Variants in APPBP2 observed in about 807,000 individuals in gnomAD.
APPBP2 encodes the protein amyloid protein-binding protein 2.
A neutral mutation model predicts 76.0 loss-of-function variants in APPBP2; 15 were observed. The observed-to-expected ratio is 0.20, with a 90% confidence interval of 0.13 to 0.30. The LOEUF (loss-of-function observed/expected upper bound fraction) is 0.30. Among genes scored for constraint, APPBP2 ranks in the 10% least tolerant of loss-of-function variants. APPBP2 has a pLI of 1.00. For missense variants in APPBP2, 401 were observed against 687.2 expected (o/e 0.58, Z 4.66); for synonymous variants, 222 against 242.2 (o/e 0.92, Z 0.77).
intron 10 of APPBP2, among the ~76,000 whole-genome samples, chr17:60,454,747 CTATTTT>C (rs1303901057): frequency 6.6e-6 from 1 of 152,108 alleles, no homozygotes; most frequent in Non-Finnish European, 1.5e-5. Flanking sequence ...GAATTAGCTT[CTATTTT>C]AATAGACTGC....
chr17:60,514,247 T>C (rs948098326), intron 1 of APPBP2, among the ~76,000 whole-genome samples: 25 of 152,090 alleles, frequency 1.6e-4, no homozygotes, highest in African/African-American at 5.6e-4. Flanking sequence ...TAAGTGGTGA[T>C]TGCACCACTG....
chr17:60,491,605 C>T (rs545499583), intron 3 of APPBP2, among the ~76,000 whole-genome samples: 59 of 151,950 alleles, frequency 3.9e-4, no homozygotes, highest in Admixed American at 3.6e-3. Context: ...CCAACAGGCC[C>T]GGCTAGTTTT....
chr17:60,510,848 T>C (rs576554779), intron 1 of APPBP2, among the ~76,000 whole-genome samples: 90 of 152,352 alleles, frequency 5.9e-4, no homozygotes, highest in Non-Finnish European at 1.0e-3. Flanking sequence ...TCATTTCAGA[T>C]AATATTCAAA....
intron 5 of APPBP2, among the ~76,000 whole-genome samples, chr17:60,465,626 C>G (rs916202419): frequency 6.6e-6 from 1 of 152,034 alleles, no homozygotes; most frequent in Non-Finnish European, 1.5e-5. Flanking sequence ...CCCAGCACTT[C>G]AGGAGGCCAA....
intron 12 of APPBP2, among the ~76,000 whole-genome samples, chr17:60,451,529 A>G (rs1186166899): frequency 6.6e-6 from 1 of 152,090 alleles, no homozygotes; most frequent in Non-Finnish European, 1.5e-5. Flanking sequence ...GCTGGAGAGC[A>G]GTGGCACAAT....
chr17:60,447,855 G>GA (rs572924329), intron 12 of APPBP2, 21 bp from the exon 13 acceptor site: 58,344 of 1,035,918 alleles, frequency 0.056, 25 homozygotes, highest in Non-Finnish European at 0.062. Flanking sequence ...AAAGAAAAAG[G>GA]AAAAAAAAAA....
intron 10 of APPBP2, among the ~76,000 whole-genome samples, chr17:60,455,617 C>A (rs906594594): frequency 6.6e-6 from 1 of 152,206 alleles, no homozygotes; most frequent in African/African-American, 2.4e-5. Context: ...ATACGAAGCT[C>A]AGGATAAGAA....
At chr17:60,520,671 G>C (rs970993482) in intron 1 of APPBP2, among the ~76,000 whole-genome samples, 5 of 151,488 alleles carry the variant, frequency 3.3e-5, no homozygotes, top group African/African-American at 9.7e-5. Context: ...GGCACACTTT[G>C]TATTTGGAAA....
At chr17:60,466,579 A>C in intron 4 of APPBP2, 120 bp from the exon 5 acceptor site, 1 of 1,023,158 alleles carries the variant, frequency 9.8e-7, no homozygotes, top group Non-Finnish European at 1.4e-6. Flanking sequence ...GGCAGCATTG[A>C]AAATAAGTGT....
At chr17:60,449,664 G>T (rs571992067) in intron 12 of APPBP2, among the ~76,000 whole-genome samples, 1 of 151,188 alleles carries the variant, frequency 6.6e-6, no homozygotes, top group Non-Finnish European at 1.5e-5. Context: ...TGTCCATATG[G>T]GGAAAAAAAT....
chr17:60,458,984 G>T (rs1206483679), intron 9 of APPBP2, among the ~76,000 whole-genome samples: 1 of 151,894 alleles, frequency 6.6e-6, no homozygotes, highest in East Asian at 1.9e-4. Flanking sequence ...TGTTGGCCAG[G>T]ATGGTCTCCA....
rs2090318535 is a variant in APPBP2, at chr17:60,443,470, A to G, written c.*4111T>C. The stretch of plus-strand genomic sequence containing the variant: ...AAGAACTTTTTATTTTGAGCCTATT[A>G]AACTAAAATCCCCTGTTGCTTAATA... On this transcript the variant is annotated 3_prime_UTR_variant, in exon 13 of 13. Transcript: ENST00000083182. 6.6e-6 allele frequency: 1 copy of G among 152,664 alleles called. No individual in the cohort carries two copies. 9.5% of individuals were successfully genotyped at this position (152,664 alleles called of 1,614,324 possible).
intron 3 of APPBP2, among the ~76,000 whole-genome samples, chr17:60,488,631 A>T (rs970830168): frequency 1.4e-4 from 22 of 152,130 alleles, no homozygotes; most frequent in Non-Finnish European, 1.5e-5. Flanking sequence ...GGGTAATTTT[A>T]GGATTAAGAC....
intron 1 of APPBP2, among the ~76,000 whole-genome samples, chr17:60,522,349 A>T (rs2143510475): frequency 6.6e-6 from 1 of 152,104 alleles, no homozygotes; most frequent in Middle Eastern, 3.4e-3. Context: ...TTGAGATAGG[A>T]TCTCCCTCTG....
chr17:60,481,935 T>G (rs1201001989), intron 3 of APPBP2, among the ~76,000 whole-genome samples: 1 of 152,214 alleles, frequency 6.6e-6, no homozygotes, highest in Non-Finnish European at 1.5e-5. Context: ...CAGGCTAGAG[T>G]GCAATAGCGT....
At position 60,465,861 on chromosome 17, in the gene APPBP2, G is replaced by C. The variant is rs1484587544; in HGVS notation, c.672+430C>G. The stretch of plus-strand genomic sequence containing the variant: ...CTGATTTTTTATTTTTTTGAGACAG[G>C]GTCTCACTCTGTCACTCAGGCTGGA... On this transcript the variant is annotated intron_variant, in intron 5 of 12. Transcript: ENST00000083182. 2.0e-5 allele frequency among the ~76,000 whole-genome samples: 3 copies of C among 152,060 alleles called. No individual in the cohort carries two copies. In the South Asian group the frequency reaches 6.2e-4, roughly 32 times the overall value.
At chr17:60,455,685 C>T (rs2090425897) in intron 10 of APPBP2, among the ~76,000 whole-genome samples, 1 of 152,192 alleles carries the variant, frequency 6.6e-6, no homozygotes, top group Non-Finnish European at 1.5e-5. Flanking sequence ...TGTGTAGAAA[C>T]ATTTGTATTA....
At chr17:60,463,796 T>C (rs370172709) in intron 6 of APPBP2, among the ~76,000 whole-genome samples, 1 of 152,200 alleles carries the variant, frequency 6.6e-6, no homozygotes, top group East Asian at 1.9e-4. Flanking sequence ...TCAAAATGAA[T>C]TATTTCACTG....
intron 2 of APPBP2, among the ~76,000 whole-genome samples, chr17:60,496,638 T>G (rs1286993447): frequency 1.3e-5 from 2 of 152,220 alleles, no homozygotes; most frequent in African/African-American, 4.8e-5. Context: ...TTTAATCAAC[T>G]AATCAAGAAG....
Sources: allele counts gnomAD v4.1 joint callset (sites outside exome capture counted in the v4.1 genomes callset), GRCh38; gene constraint gnomAD v4.1.1; transcripts MANE v1.5; gene names NCBI Gene and HGNC (gene_info 2026-07-23, HGNC 2026-07-21).